ZFP82: variants seen among roughly 807,000 people sequenced by gnomAD.
ZFP82 encodes the protein zinc finger protein 82 homolog.
A neutral mutation model predicts 54.0 loss-of-function variants in ZFP82; 30 were observed. That is an observed-to-expected ratio of 0.56 (90% CI 0.42 to 0.75). ZFP82 has a LOEUF of 0.75. ZFP82 is among the 30% of genes least tolerant of loss of function. The probability of loss-of-function intolerance (pLI) is 0.00; values close to 1 mark genes in which losing one functional copy is unlikely to be tolerated. For missense variants in ZFP82, 500 were observed against 636.8 expected (o/e 0.79, Z 2.31); for synonymous variants, 194 against 209.5 (o/e 0.93, Z 0.64).
chr19:36,401,832 G>A (rs60296846), intron 4 of ZFP82, among the ~76,000 whole-genome samples: 7,115 of 152,214 alleles, frequency 0.047, 414 homozygotes, highest in African/African-American at 0.13. Flanking sequence ...GCCGCACTCA[G>A]ACCTTTTCTA....
chr19:36,410,101 T>A (rs1568490503), intron 1 of ZFP82, among the ~76,000 whole-genome samples: 1 of 152,046 alleles, frequency 6.6e-6, no homozygotes, highest in Non-Finnish European at 1.5e-5. Context: ...TAAACCACAA[T>A]CTTCCTTCTT....
intron 1 of ZFP82, among the ~76,000 whole-genome samples, chr19:36,413,078 G>A (rs958539180): frequency 6.6e-6 from 1 of 152,172 alleles, no homozygotes; most frequent in African/African-American, 2.4e-5. Flanking sequence ...GGAAATATTT[G>A]TAAAAGTATA....
intron 4 of ZFP82, among the ~76,000 whole-genome samples, 185 bp downstream of exon 4, chr19:36,405,395 T>A (rs1291220753): frequency 1.3e-5 from 2 of 152,162 alleles, no homozygotes; most frequent in African/African-American, 4.8e-5. Flanking sequence ...GACCTTAATT[T>A]GCTCCCCATG....
intron 4 of ZFP82, among the ~76,000 whole-genome samples, chr19:36,400,352 G>C (rs2032363034): frequency 1.3e-5 from 2 of 152,128 alleles, no homozygotes; most frequent in Non-Finnish European, 2.9e-5. Context: ...TAGAAGATTT[G>C]GTTCCAGGGA....
chr19:36,400,711 C>T (rs780978788), intron 4 of ZFP82, among the ~76,000 whole-genome samples: 13 of 152,144 alleles, frequency 8.5e-5, no homozygotes, highest in Non-Finnish European at 1.6e-4. Flanking sequence ...TTTCCTCCAC[C>T]GATAGAATCA....
At chr19:36,417,713 G>A (rs1322065702) in intron 1 of ZFP82, among the ~76,000 whole-genome samples, 4 of 152,108 alleles carry the variant, frequency 2.6e-5, no homozygotes, top group African/African-American at 9.7e-5. Flanking sequence ...TCAAAGAAAG[G>A]CCAGGGTCAT....
chr19:36,398,610 T>C (rs1187796926), intron 4 of ZFP82, among the ~76,000 whole-genome samples: 1 of 147,334 alleles, frequency 6.8e-6, no homozygotes, highest in African/African-American at 2.5e-5. Flanking sequence ...ACCAACAGAG[T>C]GAAGGAGAAA....
intron 4 of ZFP82, among the ~76,000 whole-genome samples, chr19:36,403,595 G>A (rs1029378379): frequency 1.0e-4 from 15 of 149,746 alleles, no homozygotes; most frequent in Non-Finnish European, 1.9e-4. Context: ...ACTCCAGCCT[G>A]GGCGACAGAG....
chr19:36,393,648 C>T lies in ZFP82; in HGVS notation c.692G>A (p.Cys231Tyr). ...TGCACCACATATGAAAGCTTCCCCACATTCCTTACATTCATAGAGTTTTTC... is the reference window on the plus strand; with the variant it reads ...TGCACCACATATGAAAGCTTCCCCATATTCCTTACATTCATAGAGTTTTTC... ...SGEKLYECKE[C>Y]GEAFICGADL... The change falls in exon 5 of 5, where the codon TGT (cysteine) becomes TAT (tyrosine). Residue 231 changes from cysteine (C) to tyrosine (Y), a missense_variant. Transcript: ENST00000392161. 3 of 1,614,094 alleles carry T rather than the reference C, an allele frequency of 1.9e-6. No homozygotes were observed. The highest frequency in any genetic ancestry group is 2.5e-6 in the Non-Finnish European group (3 of 1,180,024).
intron 1 of ZFP82, 134 bp from the exon 2 acceptor site, chr19:36,410,001 A>C: frequency 9.3e-6 from 5 of 536,520 alleles, no homozygotes; most frequent in East Asian, 3.0e-5. Context: ...GCGCACACAC[A>C]CATAGGCAGA....
rs2032242828 is a variant in ZFP82, at chr19:36,393,568, C to A, written c.772G>T (p.Glu258Ter). The change falls in exon 5 of 5, where the codon GAA becomes TAA. Residue 258 changes from glutamate (E) to a stop codon, truncating the protein, a stop_gained. Coordinates refer to ENST00000392161, the MANE Select transcript of ZFP82 (RefSeq NM_133466.4). LOFTEE classifies it high-confidence loss of function. ...CGTACCCTAAAAGCCTTCCCACATT[C>A]TTTACATTCATAGGGCTTCTCACCA... ...HIGEKPYECKECGKAFRVRGQ... is the reference protein window; with the variant it reads ...HIGEKPYECK The A allele has an allele frequency of 6.2e-7, 1 of 1,614,182 alleles. No homozygotes were observed. Among genetic ancestry groups the A allele is most frequent in the Non-Finnish European group, 8.5e-7 (1 of 1,180,030 alleles).
chr19:36,407,527 A>G (rs2032505381), intron 3 of ZFP82, among the ~76,000 whole-genome samples: 1 of 152,248 alleles, frequency 6.6e-6, no homozygotes, highest in African/African-American at 2.4e-5. Context: ...AGCTAATTCA[A>G]TAAACAGGAT....
chr19:36,409,049 T>G (rs970500344), intron 2 of ZFP82, among the ~76,000 whole-genome samples: 1 of 152,124 alleles, frequency 6.6e-6, no homozygotes, highest in African/African-American at 2.4e-5. Flanking sequence ...TAATATAGCA[T>G]AATCCAGAAT....
At position 36,393,264 on chromosome 19, in the gene ZFP82, A is replaced by C; in HGVS notation, c.1076T>G (p.Ile359Ser). 6.2e-7 allele frequency: 1 copy of C among 1,613,934 alleles called. No homozygotes were observed. Among genetic ancestry groups the C allele is most frequent in the Non-Finnish European group, 8.5e-7 (1 of 1,179,974 alleles). ...TTCATAGGGTTTCTCACCAGTATGAATTCTCTGATGGAGTGTTAGTTGTTG... is the reference window on the plus strand; with the variant it reads ...TTCATAGGGTTTCTCACCAGTATGACTTCTCTGATGGAGTGTTAGTTGTTG... ...VRQQLTLHQR[I>S]HTGEKPYECK... Residue 359 changes from isoleucine to serine, a missense_variant, in exon 5 of 5, where the codon ATT (isoleucine) becomes AGT (serine). Ile to Ser is a moderately radical substitution (Grantham distance 142). Transcript: ENST00000392161.
rs201487167 is a variant in ZFP82, at chr19:36,396,811, G to C, written c.230-2701C>G. The stretch of plus-strand genomic sequence containing the variant: ...AGCTCTGTCTATGCCACTGCACTCT[G>C]GGTTGGGTGACAGAGCAAGACTCTG... On this transcript the variant is annotated intron_variant, in intron 4 of 4. Coordinates refer to ENST00000392161, the MANE Select transcript of ZFP82 (RefSeq NM_133466.4). Among the ~76,000 whole-genome samples the C allele has an allele frequency of 2.7e-4, 41 of 150,976 alleles. No individual in the cohort carries two copies. In the East Asian group the frequency reaches 6.5e-3, roughly 24 times the overall value.
intron 4 of ZFP82, among the ~76,000 whole-genome samples, chr19:36,404,137 T>C (rs1206813254): frequency 6.6e-6 from 1 of 152,192 alleles, no homozygotes. Context: ...ATTGATAGTG[T>C]CTGTGACAGT....
At chr19:36,417,702 A>G (rs1334527157) in intron 1 of ZFP82, among the ~76,000 whole-genome samples, 1 of 152,154 alleles carries the variant, frequency 6.6e-6, no homozygotes, top group Non-Finnish European at 1.5e-5. Flanking sequence ...TCTTCCCAGT[A>G]TCAAAGAAAG....
At chr19:36,387,484 T>C (rs780933484), downstream of ZFP82, among the ~76,000 whole-genome samples, 6 of 152,204 alleles carry the variant, frequency 3.9e-5, no homozygotes, top group Non-Finnish European at 8.8e-5. Flanking sequence ...CTCTCTCTTA[T>C]CCTCTCTGCC....
At chr19:36,404,695 T>A (rs1189631220) in intron 4 of ZFP82, among the ~76,000 whole-genome samples, 1 of 152,260 alleles carries the variant, frequency 6.6e-6, no homozygotes, top group African/African-American at 2.4e-5. Flanking sequence ...GTTGAATATG[T>A]ATACTTGGCT....
Sources: allele counts gnomAD v4.1 joint callset (sites outside exome capture counted in the v4.1 genomes callset), GRCh38; gene constraint gnomAD v4.1.1; transcripts MANE v1.5; gene names NCBI Gene and HGNC (gene_info 2026-07-23, HGNC 2026-07-21).